Variants in MED13L observed in about 807,000 individuals in gnomAD.
MED13L encodes the protein mediator complex subunit 13L.
In MED13L, 7 loss-of-function variants were observed where a neutral mutation model predicts 220.9. The ratio of observed to expected loss-of-function variants is 0.03; its 90% CI spans 0.02 to 0.06. The LOEUF (loss-of-function observed/expected upper bound fraction) is 0.06, where lower values mean the gene tolerates loss of function less well. Ranked by LOEUF, MED13L falls within the 10% of genes least tolerant of loss-of-function variation. The probability of loss-of-function intolerance (pLI) is 1.00; values close to 1 mark genes in which losing one functional copy is unlikely to be tolerated. For missense variants in MED13L, 1,965 were observed against 2,760.5 expected (o/e 0.71, Z 6.46); for synonymous variants, 1,011 against 1,015.2 (o/e 1.00, Z 0.08).
chr12:116,035,674 TC>T (rs1033680734), intron 4 of MED13L, among the ~76,000 whole-genome samples: 1 of 152,000 alleles, frequency 6.6e-6, no homozygotes, highest in Non-Finnish European at 1.5e-5. Flanking sequence ...CACTGCAGCC[TC>T]GACCTCCCAA....
At chr12:115,986,556 T>C (rs1308884689) in intron 18 of MED13L, 67 bp from the exon 19 acceptor site, 21 of 1,437,824 alleles carry the variant, frequency 1.5e-5, no homozygotes, top group Non-Finnish European at 2.0e-5. Flanking sequence ...ATTTTGAAAT[T>C]CCTGGTGCAC....
intron 1 of MED13L, among the ~76,000 whole-genome samples, chr12:116,267,527 A>G (rs1383046889): frequency 6.6e-6 from 1 of 152,196 alleles, no homozygotes; most frequent in African/African-American, 2.4e-5. Flanking sequence ...TTTCCTTAAA[A>G]GGTACTCAAA....
In MED13L at chr12:116,270,373, A is replaced by G. The variant is rs1593230584; in HGVS notation, c.72+6687T>C. Reference sequence around the variant, plus strand: ...TGGCCAGGATGGTCTCAATCTCCTGACCTCGTGATCCGCCTGCCTTGGCCT... The same window carrying G: ...TGGCCAGGATGGTCTCAATCTCCTGGCCTCGTGATCCGCCTGCCTTGGCCT... On this transcript the variant is annotated intron_variant, in intron 1 of 30. Transcript: ENST00000281928. Among the ~76,000 whole-genome samples the G allele has an allele frequency of 2.0e-5, 3 of 152,024 alleles. No homozygotes were observed. The South Asian group carries it at 6.2e-4, about 32-fold the overall frequency.
intron 4 of MED13L, among the ~76,000 whole-genome samples, chr12:116,062,473 T>G (rs1054035280): frequency 6.6e-4 from 95 of 144,174 alleles, no homozygotes; most frequent in Non-Finnish European, 1.3e-3. Flanking sequence ...ATAGTGTCTC[T>G]CTCTCTCTCT....
chr12:116,080,841 T>C (rs912647828), intron 4 of MED13L, among the ~76,000 whole-genome samples: 3 of 152,220 alleles, frequency 2.0e-5, no homozygotes, highest in Non-Finnish European at 4.4e-5. Context: ...TGTGCATTAT[T>C]TGTTGAAACA....
At chr12:116,221,249 C>A (rs1868408798) in intron 2 of MED13L, among the ~76,000 whole-genome samples, 1 of 151,736 alleles carries the variant, frequency 6.6e-6, no homozygotes, top group Non-Finnish European at 1.5e-5. Flanking sequence ...GTGGTACATG[C>A]CTATAGTCTC....
intron 21 of MED13L, 55 bp from the exon 22 acceptor site, chr12:115,982,658 T>C: frequency 6.9e-7 from 1 of 1,459,828 alleles, no homozygotes; most frequent in Non-Finnish European, 9.5e-7. Flanking sequence ...TACACGAACA[T>C]GAAAAACAAA....
chr12:116,273,490 C>CA (rs879432457), intron 1 of MED13L, among the ~76,000 whole-genome samples: 287 of 134,332 alleles, frequency 2.1e-3, no homozygotes, highest in Middle Eastern at 4.0e-3. Context: ...TGTTCTAGCG[C>CA]AAAAAAAAAA....
At chr12:116,235,885 G>T (rs1870034866) in intron 2 of MED13L, among the ~76,000 whole-genome samples, 1 of 151,912 alleles carries the variant, frequency 6.6e-6, no homozygotes, top group African/African-American at 2.4e-5. Flanking sequence ...ACAAAGAGCA[G>T]ACCAAAAAGC....
intron 25 of MED13L, among the ~76,000 whole-genome samples, chr12:115,974,347 G>T (rs757108825): frequency 3.3e-5 from 5 of 152,178 alleles, no homozygotes; most frequent in Admixed American, 1.3e-4. Flanking sequence ...CTTTTGTGCA[G>T]ATCTTAGGGA....
intron 1 of MED13L, among the ~76,000 whole-genome samples, chr12:116,255,174 T>C (rs1317921529): frequency 2.0e-5 from 3 of 152,322 alleles, no homozygotes; most frequent in South Asian, 2.1e-4. Flanking sequence ...AGTGTAGTAC[T>C]GGCATAACAG....
intron 2 of MED13L, among the ~76,000 whole-genome samples, chr12:116,221,447 G>A (rs1033259842): frequency 4.0e-5 from 6 of 150,310 alleles, no homozygotes; most frequent in African/African-American, 1.5e-4. Flanking sequence ...CTGAAAGAAA[G>A]AATAAACCCA....
chr12:116,005,407 CAAT>C (rs997557626), intron 13 of MED13L, among the ~76,000 whole-genome samples: 9 of 152,186 alleles, frequency 5.9e-5, no homozygotes, highest in Non-Finnish European at 1.0e-4. Context: ...TATTCCCCTA[CAAT>C]GATGCCATGA....
chr12:115,966,336 T>A, intron 28 of MED13L, 93 bp from the exon 29 acceptor site: 1 of 1,386,358 alleles, frequency 7.2e-7, no homozygotes, highest in Non-Finnish European at 1.0e-6. Context: ...CTGCAGTGAG[T>A]GATCCCCTTT....
intron 9 of MED13L, among the ~76,000 whole-genome samples, chr12:116,011,164 C>T (rs546892655): frequency 2.6e-5 from 4 of 152,002 alleles, no homozygotes; most frequent in South Asian, 2.1e-4. Flanking sequence ...GGATTACAGG[C>T]GTGAGCCACT....
At position 116,127,027 on chromosome 12, in the gene MED13L, A is replaced by T. The variant is rs1017353992; in HGVS notation, c.311-15515T>A. 2.0e-5 allele frequency among the ~76,000 whole-genome samples: 3 copies of T among 152,276 alleles called. No homozygotes were observed. The South Asian group carries it at 6.2e-4, about 32-fold the overall frequency. On this transcript the variant is annotated intron_variant, in intron 2 of 30. Coordinates refer to ENST00000281928, the MANE Select transcript of MED13L (RefSeq NM_015335.5). The stretch of plus-strand genomic sequence containing the variant: ...ATATTTTCCAAATAATTAACTTACA[A>T]ATTATCTTTTGAAACATAGGCTATC...
chr12:116,001,250 G>A (rs1351267012), intron 14 of MED13L, among the ~76,000 whole-genome samples: 2 of 152,170 alleles, frequency 1.3e-5, no homozygotes, highest in African/African-American at 4.8e-5. Context: ...AGGCTGGAGT[G>A]CAGTGGTGCT....
At chr12:115,980,222 T>C (rs1487181864) in intron 23 of MED13L, among the ~76,000 whole-genome samples, 1 of 152,202 alleles carries the variant, frequency 6.6e-6, no homozygotes, top group Admixed American at 6.5e-5. Context: ...CCTAAAGTCC[T>C]ACATAAAAAA....
At chr12:116,276,709 ACGGG>A in intron 1 of MED13L, 1 of 562,580 alleles carries the variant, frequency 1.8e-6, no homozygotes, top group Non-Finnish European at 2.6e-6. Context: ...TTCCACATTT[ACGGG>A]GGGAAAAAAA....
Sources: gnomAD v4.1 joint callset for allele counts (sites outside exome capture counted in the v4.1 genomes callset) on GRCh38, gnomAD v4.1.1 for gene constraint, MANE v1.5 for transcripts, NCBI Gene and HGNC (gene_info 2026-07-23, HGNC 2026-07-21) for gene names.